The following MMP20 variants were observed in gnomAD, a reference collection of about 807,000 sequenced individuals.
The protein encoded by MMP20 is matrix metallopeptidase 20, also known as matrix metalloproteinase-20.
In MMP20, 50 loss-of-function variants were observed where a neutral mutation model predicts 51.8. The ratio of observed to expected loss-of-function variants is 0.97; its 90% CI spans 0.77 to 1.22. The LOEUF is 1.22. MMP20 is among the 50% of genes most tolerant of loss of function. The probability of loss-of-function intolerance (pLI) is 0.00; values close to 1 mark genes in which losing one functional copy is unlikely to be tolerated. For missense variants in MMP20, 663 were observed against 601.4 expected, an observed-to-expected ratio of 1.10 and a Z score of -1.07; for synonymous variants, 244 against 216.2, an observed-to-expected ratio of 1.13 and a Z score of -1.13.
Position 102,601,905 on chromosome 11 carries a change from A to G in MMP20, c.953+4630T>C, listed in dbSNP as rs1187440818. On this transcript the variant is annotated intron_variant, in intron 6 of 9. Transcript: ENST00000260228. ...ATTAATACATCCATTCTTCTCTCCA[A>G]TTCCTACTTGCATAACCCTTAAAAA... 2.0e-5 allele frequency among the ~76,000 whole-genome samples: 3 copies of G among 150,510 alleles called. 1 individual carries two copies. The highest frequency in any genetic ancestry group is 2.0e-4 in the Admixed American group (3 of 15,104).
intron 6 of MMP20, among the ~76,000 whole-genome samples, chr11:102,602,395 C>T (rs1375708426): frequency 6.6e-6 from 1 of 151,954 alleles, no homozygotes; most frequent in African/African-American, 2.4e-5. Flanking sequence ...ACATATTAGA[C>T]ATCCTTGGGA....
In MMP20 at chr11:102,578,608, C is replaced by T. The variant is rs184988126; in HGVS notation, c.1351+431G>A. On this transcript the variant is annotated intron_variant, in intron 9 of 9. Coordinates refer to ENST00000260228, the MANE Select transcript of MMP20 (RefSeq NM_004771.4). ...AACATTAGCTGGGCCTGGTGGCCAGCGCCTGTAGTCCCAGCTACTTGGGAG... is the reference window on the plus strand; with the variant it reads ...AACATTAGCTGGGCCTGGTGGCCAGTGCCTGTAGTCCCAGCTACTTGGGAG... 2.2e-3 allele frequency among the ~76,000 whole-genome samples: 332 copies of T among 152,220 alleles called. 1 individual carries two copies. The highest frequency in any genetic ancestry group is 4.1e-3 in the Non-Finnish European group (276 of 67,974).
rs960230916 is a variant in MMP20, at chr11:102,614,202, T to A, written c.375-2299A>T. On this transcript the variant is annotated intron_variant, in intron 2 of 9. Coordinates refer to ENST00000260228, the MANE Select transcript of MMP20 (RefSeq NM_004771.4). ...AGGTTTGAGCCCAGTTCTGTCTGAC[T>A]CCAAAGCTTATGCATATAAGCACTA... Among the ~76,000 whole-genome samples, 14 of 152,340 alleles carry A rather than the reference T, an allele frequency of 9.2e-5. No individual in the cohort carries two copies. In the East Asian group the frequency reaches 1.3e-3, roughly 15 times the overall value.
chr11:102,614,803 G>A (rs1272260857), intron 2 of MMP20, among the ~76,000 whole-genome samples: 2 of 149,120 alleles, frequency 1.3e-5, no homozygotes, highest in Non-Finnish European at 3.0e-5. Flanking sequence ...TCTACAAGGA[G>A]AAAAAAAAAA....
At chr11:102,581,470 T>C (rs1471684889) in intron 8 of MMP20, among the ~76,000 whole-genome samples, 5 of 152,184 alleles carry the variant, frequency 3.3e-5, no homozygotes, top group Non-Finnish European at 5.9e-5. Flanking sequence ...GGGATTAAGA[T>C]GAAGTAGGTC....
chr11:102,606,005 C>T (rs1277858880), intron 6 of MMP20, among the ~76,000 whole-genome samples: 1 of 152,206 alleles, frequency 6.6e-6, no homozygotes, highest in Non-Finnish European at 1.5e-5. Context: ...ATCTACCCAC[C>T]TATCTATCCA....
chr11:102,616,077 G>T (rs1347509159), intron 2 of MMP20, among the ~76,000 whole-genome samples: 1 of 152,120 alleles, frequency 6.6e-6, no homozygotes, highest in Non-Finnish European at 1.5e-5. Context: ...GGTTGGGTGT[G>T]TCCCCTTGGT....
chr11:102,594,068 A>G (rs1419236014), intron 7 of MMP20, among the ~76,000 whole-genome samples: 1 of 152,206 alleles, frequency 6.6e-6, no homozygotes, highest in Non-Finnish European at 1.5e-5. Flanking sequence ...CGCACCTTCA[A>G]GGTTTATATT....
At chr11:102,614,803 GAA>G (rs34970756) in intron 2 of MMP20, among the ~76,000 whole-genome samples, 45 of 149,214 alleles carry the variant, frequency 3.0e-4, no homozygotes, top group African/African-American at 9.6e-4. Flanking sequence ...TCTACAAGGA[GAA>G]AAAAAAAAAC....
intron 3 of MMP20, among the ~76,000 whole-genome samples, chr11:102,611,336 T>A (rs938572322): frequency 2.0e-5 from 3 of 152,174 alleles, no homozygotes; most frequent in African/African-American, 7.2e-5. Context: ...GAAAGCTGCT[T>A]CAAGGTCACT....
At chr11:102,594,898 T>C in intron 6 of MMP20, 141 bp from the exon 7 acceptor site, 2 of 1,016,078 alleles carry the variant, frequency 2.0e-6, no homozygotes, top group Non-Finnish European at 2.7e-6. Flanking sequence ...CCTTGTTTTT[T>C]TTCTCTTTTC....
At chr11:102,600,578 G>A (rs1348858295) in intron 6 of MMP20, among the ~76,000 whole-genome samples, 1 of 152,016 alleles carries the variant, frequency 6.6e-6, no homozygotes, top group African/African-American at 2.4e-5. Flanking sequence ...CTGCCTCCAG[G>A]GTTCAAGTGA....
intron 5 of MMP20, chr11:102,608,089 T>G (rs1859542620): frequency 6.6e-6 from 1 of 152,168 alleles, no homozygotes; most frequent in Non-Finnish European, 1.5e-5. Flanking sequence ...GGGGCCAGAT[T>G]CCTAGCACCC....
At chr11:102,612,007 G>C (rs1711416) in intron 2 of MMP20, 104 bp from the exon 3 acceptor site, 1 of 1,096,024 alleles carries the variant, frequency 9.1e-7, no homozygotes, top group Non-Finnish European at 1.4e-6. Context: ...CTACAATTTA[G>C]ATTTTTCTCT....
rs1365655182 is a variant in MMP20, at chr11:102,610,017, G to A, written c.537C>T (p.Ser179=). ...ISFENGDHGD[S]YPFDGPRGTL... ...TCCCCCGAGGCCCATCGAATGGATA[G>A]GAATCCCCGTGATCTAAACAAGTGG... Residue 179 remains serine, a synonymous_variant, in exon 4 of 10, where the codon TCC becomes TCT. Coordinates refer to ENST00000260228, the MANE Select transcript of MMP20 (RefSeq NM_004771.4). 5 of 1,613,986 alleles carry A rather than the reference G, an allele frequency of 3.1e-6. No homozygotes were observed. The highest frequency in any genetic ancestry group is 2.2e-5 in the East Asian group (1 of 44,898).
chr11:102,589,779 A>G (rs1035320978), intron 8 of MMP20, among the ~76,000 whole-genome samples: 3 of 152,234 alleles, frequency 2.0e-5, no homozygotes, highest in African/African-American at 7.2e-5. Context: ...GTGGTAGTTT[A>G]GTCATAAGTT....
At chr11:102,591,465 T>C (rs930060844) in intron 8 of MMP20, among the ~76,000 whole-genome samples, 4 of 152,240 alleles carry the variant, frequency 2.6e-5, no homozygotes, top group Non-Finnish European at 4.4e-5. Context: ...TTAGTTACCA[T>C]ATAAGTTCTG....
At chr11:102,602,940 T>A (rs1403444289) in intron 6 of MMP20, among the ~76,000 whole-genome samples, 1 of 152,244 alleles carries the variant, frequency 6.6e-6, no homozygotes, top group African/African-American at 2.4e-5. Flanking sequence ...ATAGCCTTAA[T>A]AAATTTGTCA....
chr11:102,593,481 T>C lies in MMP20; in HGVS notation c.1205A>G (p.Glu402Gly). Residue 402 changes from glutamate (E) to glycine (G), a missense_variant, in exon 8 of 10, where the codon GAG becomes GGG. By Grantham distance (98) the Glu-to-Gly change is moderately conservative. Transcript: ENST00000260228. The part of the protein sequence containing the change: ...QQIDAAVYLR[E>G]PQKTLFFVGD... ...CACAAAGAAAAGGGTCTTCTGTGGCTCCCTGAGGTAGACAGCAGCATCTAT... is the reference window on the plus strand; with the variant it reads ...CACAAAGAAAAGGGTCTTCTGTGGCCCCCTGAGGTAGACAGCAGCATCTAT... 16 of 1,614,198 alleles carry C rather than the reference T, an allele frequency of 9.9e-6. No homozygotes were observed. Among genetic ancestry groups the C allele is most frequent in the African/African-American group, 1.3e-5 (1 of 75,058 alleles).
Sources: allele counts gnomAD v4.1 joint callset (sites outside exome capture counted in the v4.1 genomes callset), GRCh38; gene constraint gnomAD v4.1.1; transcripts MANE v1.5; gene names NCBI Gene and HGNC (gene_info 2026-07-23, HGNC 2026-07-21).